MRE11: variants seen among roughly 807,000 people sequenced by gnomAD.
The protein encoded by MRE11 is MRE11 double strand break repair nuclease.
In MRE11, 62 loss-of-function variants were observed where a neutral mutation model predicts 91.7. The ratio of observed to expected loss-of-function variants is 0.68; its 90% CI spans 0.55 to 0.84. The LOEUF (loss-of-function observed/expected upper bound fraction) is 0.84. MRE11 is among the 40% of genes least tolerant of loss of function. The pLI is 0.00. For missense variants in MRE11, 796 were observed against 852.9 expected, an observed-to-expected ratio of 0.93 and a Z score of 0.83; for synonymous variants, 273 against 271.4, an observed-to-expected ratio of 1.01 and a Z score of -0.06.
chr11:94,484,467 T>C (rs1474184336), intron 4 of MRE11, among the ~76,000 whole-genome samples: 2 of 152,226 alleles, frequency 1.3e-5, no homozygotes, highest in Non-Finnish European at 2.9e-5. Context: ...ATTAATTACT[T>C]TGGTGGTTTT....
chr11:94,461,707 T>G (rs951609889), intron 11 of MRE11, among the ~76,000 whole-genome samples: 1 of 152,168 alleles, frequency 6.6e-6, no homozygotes, highest in Non-Finnish European at 1.5e-5. Context: ...TGATTGTATA[T>G]TTAGAAAACC....
At chr11:94,492,556 T>C (rs950972411) in intron 2 of MRE11, 5 of 731,144 alleles carry the variant, frequency 6.8e-6, no homozygotes, top group African/African-American at 5.4e-5. Flanking sequence ...TATATCAATA[T>C]ATCAAATTAC....
upstream of MRE11, chr11:94,497,090 A>C: frequency 1.7e-6 from 2 of 1,172,130 alleles, no homozygotes; most frequent in Non-Finnish European, 2.5e-6. Flanking sequence ...ACATGAAAGC[A>C]CATATTAAGC....
At chr11:94,430,105 T>C in intron 18 of MRE11, 119 bp from the exon 19 acceptor site, 3 of 963,272 alleles carry the variant, frequency 3.1e-6, no homozygotes, top group Non-Finnish European at 1.6e-6. Context: ...CACAATTCCC[T>C]TAAAATCTAC....
At chr11:94,441,654 A>G (rs1016264952) in intron 16 of MRE11, among the ~76,000 whole-genome samples, 8 of 152,166 alleles carry the variant, frequency 5.3e-5, no homozygotes, top group African/African-American at 1.7e-4. Context: ...ACTTCTAAAA[A>G]CTATTAAAAG....
intron 16 of MRE11, among the ~76,000 whole-genome samples, chr11:94,441,941 G>A (rs549360360): frequency 7.4e-6 from 1 of 134,400 alleles, no homozygotes; most frequent in South Asian, 2.4e-4. Flanking sequence ...TGATGCCACT[G>A]CATTCCAGCC....
At chr11:94,489,278 A>G (rs1947224744) in intron 3 of MRE11, among the ~76,000 whole-genome samples, 1 of 151,910 alleles carries the variant, frequency 6.6e-6, no homozygotes, top group African/African-American at 2.4e-5. Flanking sequence ...CCAAGCAGAA[A>G]GAACTAGATG....
Position 94,479,984 on chromosome 11 carries a change from A to C in MRE11, c.315-223T>G, listed in dbSNP as rs138331315. On this transcript the variant is annotated intron_variant, in intron 4 of 19. Coordinates refer to ENST00000323929, the MANE Select transcript of MRE11 (RefSeq NM_005591.4). ...ACATTTTAAAGAAACCCCAACTATAATAAACAGTGCTTGTGGTATGTATGA... is the reference window on the plus strand; with the variant it reads ...ACATTTTAAAGAAACCCCAACTATACTAAACAGTGCTTGTGGTATGTATGA... 1.7e-3 allele frequency among the ~76,000 whole-genome samples: 262 copies of C among 152,338 alleles called. 2 individuals are homozygous for C. The highest frequency in any genetic ancestry group is 6.2e-3 in the African/African-American group (256 of 41,578).
chr11:94,497,149 T>G, upstream of MRE11: 1 of 654,938 alleles, frequency 1.5e-6, no homozygotes, highest in Non-Finnish European at 2.6e-6. Flanking sequence ...GATAATTATC[T>G]ATAAAGATAG....
intron 10 of MRE11, 25 bp downstream of exon 10, chr11:94,467,788 T>C: frequency 6.4e-7 from 1 of 1,557,934 alleles, no homozygotes; most frequent in East Asian, 2.2e-5. Context: ...ATTAATAATA[T>C]TCAATCTATA....
At chr11:94,460,860 C>T in intron 12 of MRE11, 76 bp downstream of exon 12, 1 of 1,185,956 alleles carries the variant, frequency 8.4e-7, no homozygotes, top group Middle Eastern at 2.0e-4. Context: ...TTTAAACTAT[C>T]AACTAAACAT....
At chr11:94,459,362 A>G (rs1946351769) in intron 13 of MRE11, 46 bp downstream of exon 13, 13 of 1,602,144 alleles carry the variant, frequency 8.1e-6, no homozygotes, top group Non-Finnish European at 1.1e-5. Context: ...CTACTCTTAA[A>G]GACAGACTAT....
intron 19 of MRE11, among the ~76,000 whole-genome samples, chr11:94,426,907 T>TA (rs1363204670): frequency 6.6e-6 from 1 of 151,942 alleles, no homozygotes; most frequent in East Asian, 1.9e-4. Flanking sequence ...TAATCAGTAA[T>TA]AAAAAACTGA....
intron 4 of MRE11, among the ~76,000 whole-genome samples, chr11:94,480,203 C>T (rs1946979440): frequency 6.6e-6 from 1 of 152,206 alleles, no homozygotes; most frequent in Non-Finnish European, 1.5e-5. Context: ...TGCCCCCAGC[C>T]ATCCAGCTCC....
chr11:94,511,037 G>C, the MRE11 span, among the ~76,000 whole-genome samples: 2 of 152,118 alleles, frequency 1.3e-5, no homozygotes, highest in East Asian at 3.9e-4. Flanking sequence ...TGAACTGCCT[G>C]GAGAAACACT....
intron 6 of MRE11, among the ~76,000 whole-genome samples, 176 bp downstream of exon 6, chr11:94,478,559 G>A (rs987599945): frequency 6.6e-6 from 1 of 151,966 alleles, no homozygotes; most frequent in African/African-American, 2.4e-5. Flanking sequence ...AAATAGTAAC[G>A]AAAAGACATT....
chr11:94,451,680 T>C (rs562440275), intron 14 of MRE11, among the ~76,000 whole-genome samples: 2 of 152,060 alleles, frequency 1.3e-5, no homozygotes, highest in Non-Finnish European at 2.9e-5. Flanking sequence ...ACTCACTATA[T>C]TAATGGAACA....
chr11:94,448,053 T>C (rs1398631422), intron 14 of MRE11, among the ~76,000 whole-genome samples: 1 of 152,140 alleles, frequency 6.6e-6, no homozygotes, highest in East Asian at 1.9e-4. Flanking sequence ...AATGCCACAT[T>C]TGACAGTAAC....
chr11:94,485,279 A>T (rs1234293172), intron 4 of MRE11, among the ~76,000 whole-genome samples: 1 of 152,082 alleles, frequency 6.6e-6, no homozygotes, highest in Non-Finnish European at 1.5e-5. Flanking sequence ...ACACATGATG[A>T]TATTTTTATA....
Sources: allele counts gnomAD v4.1 joint callset (sites outside exome capture counted in the v4.1 genomes callset), GRCh38; gene constraint gnomAD v4.1.1; transcripts MANE v1.5; gene names NCBI Gene and HGNC (gene_info 2026-07-23, HGNC 2026-07-21).